TMTC1: variants seen among roughly 807,000 people sequenced by gnomAD.
The protein encoded by TMTC1 is protein O-mannosyl-transferase TMTC1.
Under a neutral mutation model 104.8 loss-of-function variants are expected in TMTC1, and 73 were observed. The ratio of observed to expected loss-of-function variants is 0.70; its 90% CI spans 0.58 to 0.85. The LOEUF is 0.85. TMTC1 is among the 40% of genes least tolerant of loss of function. The pLI is 0.00. For missense variants in TMTC1, 1,035 were observed against 1,096.1 expected (o/e 0.94, Z 0.79); for synonymous variants, 434 against 428.7 (o/e 1.01, Z -0.15).
At chr12:29,680,484 A>G (rs1940877815) in intron 5 of TMTC1, among the ~76,000 whole-genome samples, 1 of 152,212 alleles carries the variant, frequency 6.6e-6, no homozygotes, top group Non-Finnish European at 1.5e-5. Context: ...CCTTTTATAC[A>G]TAAGAATGTG....
chr12:29,529,844 C>G (rs1944451379), intron 11 of TMTC1: 1 of 152,154 alleles, frequency 6.6e-6, no homozygotes, highest in Non-Finnish European at 1.5e-5. Context: ...GTTTCCTAAT[C>G]CTAGATTTTC....
rs531601352 is a variant in TMTC1, at chr12:29,502,848, C to G, written c.*3998G>C. On this transcript the variant is annotated 3_prime_UTR_variant, in exon 18 of 18. Transcript: ENST00000539277. ...ACCAGGACAGCCAGGATGATTCAAC[C>G]GAAGATTCCGAAAGGTCCTCAGGTG... 1 of 152,250 alleles carries G rather than the reference C, an allele frequency of 6.6e-6. No homozygotes were observed. The highest frequency in any genetic ancestry group is 1.9e-4 in the East Asian group (1 of 5,176). The allele number at this position is 152,250 out of a possible 1,614,324, so 9.4% of individuals were successfully genotyped here.
At chr12:29,654,355 C>T (rs1351899239) in intron 5 of TMTC1, among the ~76,000 whole-genome samples, 1 of 152,080 alleles carries the variant, frequency 6.6e-6, no homozygotes, top group Admixed American at 6.5e-5. Flanking sequence ...TGTTCAACAT[C>T]ATTAGCCACC....
At chr12:29,628,997 AC>A (rs1938152700) in intron 6 of TMTC1, among the ~76,000 whole-genome samples, 1 of 152,022 alleles carries the variant, frequency 6.6e-6, no homozygotes, top group Admixed American at 6.5e-5. Context: ...AACTCTTTCA[AC>A]AAATTGCCAA....
chr12:29,633,365 A>G (rs1380930250), intron 5 of TMTC1, 29 bp from the exon 6 acceptor site: 4 of 1,558,030 alleles, frequency 2.6e-6, no homozygotes, highest in Non-Finnish European at 3.5e-6. Flanking sequence ...TCACTGAAAC[A>G]CTGCTCAAGA....
intron 5 of TMTC1, among the ~76,000 whole-genome samples, chr12:29,721,540 T>A (rs183363302): frequency 2.6e-5 from 4 of 152,078 alleles, no homozygotes; most frequent in South Asian, 2.1e-4. Flanking sequence ...CGCCTGAAAA[T>A]ATATATATAA....
chr12:29,588,512 A>C (rs550096576), intron 7 of TMTC1, among the ~76,000 whole-genome samples: 9 of 152,318 alleles, frequency 5.9e-5, no homozygotes, highest in South Asian at 4.1e-4. Context: ...TTCATTCATC[A>C]GATATTTAAC....
chr12:29,700,562 A>C (rs946232943), intron 5 of TMTC1, among the ~76,000 whole-genome samples: 19 of 152,264 alleles, frequency 1.2e-4, no homozygotes, highest in African/African-American at 4.6e-4. Context: ...TAGTCAAATA[A>C]CAAATGTGAA....
intron 15 of TMTC1, among the ~76,000 whole-genome samples, chr12:29,515,360 T>C (rs299435): frequency 0.52 from 78,538 of 151,884 alleles, 20,688 homozygotes; most frequent in South Asian, 0.68. Context: ...GCTTCTCCCA[T>C]GGTAAGGAAC....
At chr12:29,512,002 G>A (rs76455237) in intron 17 of TMTC1, 41 bp downstream of exon 17, 62,572 of 1,567,050 alleles carry the variant, frequency 0.04, 2,167 homozygotes, top group East Asian at 0.19. Context: ...GAAAACACAG[G>A]GGGAAAGCCC....
intron 5 of TMTC1, among the ~76,000 whole-genome samples, chr12:29,696,296 G>T (rs1321872643): frequency 6.6e-6 from 1 of 152,006 alleles, no homozygotes; most frequent in Non-Finnish European, 1.5e-5. Context: ...TGCTTTAATG[G>T]GGAAGAAGGG....
intron 5 of TMTC1, among the ~76,000 whole-genome samples, chr12:29,726,617 T>C (rs61803): frequency 0.7 from 105,698 of 151,968 alleles, 38,029 homozygotes; most frequent in Non-Finnish European, 0.8. Context: ...GAATTAGATC[T>C]GTCTTCTCTC....
chr12:29,637,083 G>GAA (rs201226588), intron 5 of TMTC1, among the ~76,000 whole-genome samples: 5,698 of 58,534 alleles, frequency 0.097, 139 homozygotes, highest in East Asian at 0.16. Context: ...AACAAAATGA[G>GAA]AAACACACAC....
At chr12:29,553,573 C>T (rs1380371112) in intron 10 of TMTC1, among the ~76,000 whole-genome samples, 2 of 151,600 alleles carry the variant, frequency 1.3e-5, no homozygotes, top group African/African-American at 4.8e-5. Flanking sequence ...GTAAGGGCAT[C>T]ATGAAAAAAA....
chr12:29,606,849 C>T (rs159715), intron 6 of TMTC1, among the ~76,000 whole-genome samples: 34,910 of 151,892 alleles, frequency 0.23, 4,898 homozygotes, highest in East Asian at 0.38. Flanking sequence ...TTCCTCACTA[C>T]GGTGGGTGTT....
At chr12:29,576,309 C>T (rs1463861901) in intron 8 of TMTC1, among the ~76,000 whole-genome samples, 2 of 152,076 alleles carry the variant, frequency 1.3e-5, no homozygotes, top group African/African-American at 4.8e-5. Context: ...AGTGTTGTAT[C>T]AAAAAATTCA....
intron 11 of TMTC1, among the ~76,000 whole-genome samples, chr12:29,522,305 A>C (rs1310332104): frequency 3.3e-5 from 5 of 152,314 alleles, no homozygotes; most frequent in South Asian, 2.1e-4. Context: ...CACTCTGTAG[A>C]ATGACCAATG....
intron 6 of TMTC1, among the ~76,000 whole-genome samples, chr12:29,619,305 G>C (rs1252803979): frequency 1.3e-5 from 2 of 152,148 alleles, no homozygotes; most frequent in Non-Finnish European, 2.9e-5. Context: ...CTTTTGCCAG[G>C]CCTAGATCAA....
rs1226932697 is a variant in TMTC1 at position 29,504,020 on chromosome 12, G to C, written c.*2826C>G. 6.6e-6 allele frequency: 1 copy of C among 152,094 alleles called. No individual in the cohort carries two copies. The highest frequency in any genetic ancestry group is 1.9e-4 in the East Asian group (1 of 5,192). The allele number at this position is 152,094 out of a possible 1,614,324, so 9.4% of individuals were successfully genotyped here. A position where few individuals can be genotyped will look rare whatever the true frequency, so the allele number is the denominator to read the frequency against. On this transcript the variant is annotated 3_prime_UTR_variant, in exon 18 of 18. Coordinates refer to ENST00000539277, the MANE Select transcript of TMTC1 (RefSeq NM_001193451.2). ...GATCCCTTCAGCCAGGGAGGTCGAG[G>C]CTACAGTGAGCCATGTTTGTGCCAC...
Sources: allele counts gnomAD v4.1 joint callset (sites outside exome capture counted in the v4.1 genomes callset), GRCh38; gene constraint gnomAD v4.1.1; transcripts MANE v1.5; gene names NCBI Gene and HGNC (gene_info 2026-07-23, HGNC 2026-07-21).